SAMSN1: variants seen among roughly 807,000 people sequenced by gnomAD.
SAMSN1 encodes the protein SAM domain, SH3 domain and nuclear localization signals 1.
A neutral mutation model predicts 42.0 loss-of-function variants in SAMSN1; 31 were observed. The ratio of observed to expected loss-of-function variants is 0.74; its 90% CI spans 0.55 to 1.00. The LOEUF (loss-of-function observed/expected upper bound fraction) is 1.00, where lower values mean the gene tolerates loss of function less well. Ranked by LOEUF, SAMSN1 falls within the 50% of genes least tolerant of loss-of-function variation. The pLI is 0.00. For synonymous variants in SAMSN1, 178 were observed against 151.9 expected, an observed-to-expected ratio of 1.17 and a Z score of -1.26; for missense variants, 464 against 439.4, an observed-to-expected ratio of 1.06 and a Z score of -0.50.
chr21:14,576,662 C>T (rs1366790139), intron 2 of SAMSN1, among the ~76,000 whole-genome samples: 1 of 148,552 alleles, frequency 6.7e-6, no homozygotes, highest in Non-Finnish European at 1.5e-5. Flanking sequence ...TTCCATCATC[C>T]ACACGATTTG....
At chr21:14,521,105 T>TA (rs1175977712) in intron 2 of SAMSN1, 45 bp downstream of exon 2, 1 of 1,183,854 alleles carries the variant, frequency 8.4e-7, no homozygotes, top group East Asian at 2.3e-5. Context: ...TAATATTTCA[T>TA]AATGTGTTTG....
intron 2 of SAMSN1, among the ~76,000 whole-genome samples, chr21:14,565,963 A>C (rs914574485): frequency 6.6e-6 from 1 of 152,260 alleles, no homozygotes; most frequent in Admixed American, 6.5e-5. Flanking sequence ...TGAAAATAAC[A>C]GGAAGACATA....
chr21:14,526,272 T>C (rs1190104061), intron 1 of SAMSN1, among the ~76,000 whole-genome samples: 1 of 152,344 alleles, frequency 6.6e-6, no homozygotes, highest in East Asian at 1.9e-4. Context: ...TAAACTTGCG[T>C]TTCCTAAATT....
At chr21:14,539,039 C>T (rs186558030) in intron 1 of SAMSN1, among the ~76,000 whole-genome samples, 2 of 152,250 alleles carry the variant, frequency 1.3e-5, no homozygotes, top group Admixed American at 1.3e-4. Flanking sequence ...TTGTGGGATC[C>T]ATGTCTTTCT....
chr21:14,501,157 G>A (rs1434266418), intron 5 of SAMSN1, among the ~76,000 whole-genome samples: 3 of 152,098 alleles, frequency 2.0e-5, no homozygotes. Context: ...AAAATTCAAA[G>A]AAGTTACTTA....
chr21:14,574,233 G>C (rs940163858), intron 2 of SAMSN1, among the ~76,000 whole-genome samples: 7 of 152,114 alleles, frequency 4.6e-5, no homozygotes, highest in African/African-American at 1.7e-4. Flanking sequence ...CCTTCTATTT[G>C]AGAATCCAGT....
chr21:14,613,696 A>C (rs1982766192), intron 3 of SAMSN1, among the ~76,000 whole-genome samples: 2 of 152,144 alleles, frequency 1.3e-5, no homozygotes, highest in Admixed American at 1.3e-4. Context: ...AAATAAAGCT[A>C]TTTATAATAT....
intron 1 of SAMSN1, among the ~76,000 whole-genome samples, chr21:14,649,774 C>CACACACAT (rs1555847352): frequency 5.3e-5 from 2 of 38,000 alleles, no homozygotes; most frequent in African/African-American, 1.0e-4. Flanking sequence ...TGTCTCAAAA[C>CACACACAT]ACACACACAC....
exon 5 of SAMSN1, chr21:14,609,493 C>T: frequency 1.4e-6 from 1 of 718,004 alleles, no homozygotes; most frequent in Non-Finnish European, 2.6e-6. Context: ...TTTTAGCTGA[C>T]AGGGCCTTCT....
rs1240193455 is a variant in SAMSN1 at position 14,539,226 on chromosome 21, A to G, written c.57+6979T>C. ...ACATATTAACAGACTTGCTACAAAGAAACAATAAGACAGGGATGCCCTCTC... is the reference window on the plus strand; with the variant it reads ...ACATATTAACAGACTTGCTACAAAGGAACAATAAGACAGGGATGCCCTCTC... On this transcript the variant is annotated intron_variant, in intron 1 of 7. Coordinates refer to ENST00000400566, the MANE Select transcript of SAMSN1 (RefSeq NM_022136.5). Among the ~76,000 whole-genome samples the G allele has an allele frequency of 1.3e-5, 2 of 152,058 alleles. 1 individual carries two copies. Among genetic ancestry groups the G allele is most frequent in the Non-Finnish European group, 2.9e-5 (2 of 67,962 alleles).
chr21:14,581,436 G>A (rs1479552417), intron 2 of SAMSN1, among the ~76,000 whole-genome samples: 1 of 130,182 alleles, frequency 7.7e-6, no homozygotes, highest in Non-Finnish European at 1.5e-5. Context: ...TCGGCTCACT[G>A]CAAGCTCCAC....
At chr21:14,504,971 A>G (rs1042399980) in intron 5 of SAMSN1, among the ~76,000 whole-genome samples, 1 of 152,214 alleles carries the variant, frequency 6.6e-6, no homozygotes, top group Non-Finnish European at 1.5e-5. Context: ...GACAATTATT[A>G]GCCAAGAATT....
At chr21:14,608,658 T>A (rs1982625733) in intron 5 of SAMSN1, among the ~76,000 whole-genome samples, 1 of 152,050 alleles carries the variant, frequency 6.6e-6, no homozygotes, top group Admixed American at 6.6e-5. Flanking sequence ...GCTTGCAGCC[T>A]CGGGAGAGAC....
intron 1 of SAMSN1, among the ~76,000 whole-genome samples, chr21:14,657,764 T>C (rs1277403471): frequency 6.6e-6 from 1 of 151,830 alleles, no homozygotes; most frequent in Non-Finnish European, 1.5e-5. Context: ...AATTGGACTA[T>C]ATGGGCAACA....
chr21:14,505,834 G>C (rs924840219), intron 5 of SAMSN1, among the ~76,000 whole-genome samples: 2 of 152,050 alleles, frequency 1.3e-5, no homozygotes, highest in South Asian at 2.1e-4. Context: ...CTCTAAGATA[G>C]ACCATATGAT....
chr21:14,609,353 T>C lies in SAMSN1; in HGVS notation c.322+129A>G, dbSNP rs149885112. ...AATGCATATTCTATTCTATCTTATT[T>C]GGTTTTCCTTTTTAAGTAGACCATA... is the stretch of plus-strand genomic sequence containing the variant. On this transcript the variant is annotated intron_variant, in intron 5 of 15. Coordinates refer to the SAMSN1 transcript ENST00000647101. 755 of 632,624 alleles carry C rather than the reference T, an allele frequency of 1.2e-3. 5 individuals are homozygous for C. Among genetic ancestry groups the C allele is most frequent in the South Asian group, 6.0e-3 (318 of 52,596 alleles). The allele number at this position is 632,624 out of a possible 1,614,324, so 39.2% of individuals were successfully genotyped here. A position where few individuals can be genotyped will look rare whatever the true frequency, so the allele number is the denominator to read the frequency against.
At chr21:14,654,770 G>A (rs1377017612) in intron 1 of SAMSN1, among the ~76,000 whole-genome samples, 1 of 151,848 alleles carries the variant, frequency 6.6e-6, no homozygotes, top group Non-Finnish European at 1.5e-5. Context: ...ACCAATGTAA[G>A]CCCTGGTTTT....
At chr21:14,541,886 G>A (rs1161868227) in intron 1 of SAMSN1, among the ~76,000 whole-genome samples, 7 of 151,920 alleles carry the variant, frequency 4.6e-5, no homozygotes, top group Non-Finnish European at 1.0e-4. Context: ...CCAGCGACTC[G>A]GGAGGCTGAG....
chr21:14,640,577 T>C (rs1391068727), intron 2 of SAMSN1, among the ~76,000 whole-genome samples: 1 of 152,114 alleles, frequency 6.6e-6, no homozygotes, highest in East Asian at 1.9e-4. Flanking sequence ...AAATCTATTC[T>C]TCAAAAGCTG....
Sources: gnomAD v4.1 joint callset for allele counts (sites outside exome capture counted in the v4.1 genomes callset) on GRCh38, gnomAD v4.1.1 for gene constraint, MANE v1.5 for transcripts, NCBI Gene and HGNC (gene_info 2026-07-23, HGNC 2026-07-21) for gene names.